Variants in C4orf50 observed in about 807,000 individuals in gnomAD.
C4orf50 encodes chromosome 4 open reading frame 50, also known as uncharacterized protein C4orf50.
In C4orf50, 80 loss-of-function variants were observed where a neutral mutation model predicts 77.2. The ratio of observed to expected loss-of-function variants is 1.04; its 90% CI spans 0.87 to 1.25. The LOEUF (loss-of-function observed/expected upper bound fraction) is 1.25, where lower values mean the gene tolerates loss of function less well. Among genes scored for constraint, C4orf50 ranks in the 50% most tolerant of loss-of-function variants. The pLI, the probability that C4orf50 is intolerant of heterozygous loss-of-function variation, is 0.00. For synonymous variants in C4orf50, 532 were observed against 465.3 expected (o/e 1.14, Z -1.84); for missense variants, 1,257 against 1,152.9 (o/e 1.09, Z -1.31).
At chr4:5,976,074 G>A (rs1720263677) in intron 29 of C4orf50, 119 bp from the exon 8 acceptor site, 4 of 754,168 alleles carry the variant, frequency 5.3e-6, no homozygotes, top group South Asian at 4.6e-5. Context: ...ACCCTCATGG[G>A]GACTCAGTGC....
rs1472579427 is a variant in C4orf50, at chr4:6,018,478, G to C, written c.-47C>G. The C allele has an allele frequency of 5.0e-6, 2 of 398,686 alleles. No individual in the cohort carries two copies. Among genetic ancestry groups the C allele is most frequent in the Non-Finnish European group, 8.8e-6 (2 of 226,076 alleles). The allele number at this position is 398,686 out of a possible 1,614,324, so 24.7% of individuals were successfully genotyped here. A position where few individuals can be genotyped will look rare whatever the true frequency, so the allele number is the denominator to read the frequency against. ...AAGACTTAATAATAAAATTAAGTGA[G>C]TTTGCAACATTGACTTCCCGGAGAT... On this transcript the variant is annotated 5_prime_UTR_variant, in exon 23 of 34. Coordinates refer to ENST00000531445, the Ensembl canonical transcript of C4orf50. This position sits in a 1 kb window ranked among gnomAD's most constrained non-coding sequence, Gnocchi z 5.1.
chr4:5,926,754 C>T (rs1447576900), intron 7 of C4orf50, among the ~76,000 whole-genome samples: 1 of 152,074 alleles, frequency 6.6e-6, no homozygotes, highest in Non-Finnish European at 1.5e-5. Flanking sequence ...TCAAAAGCAG[C>T]GCCCAGGCCC....
At chr4:5,982,565 T>A (rs1720650060) in intron 28 of C4orf50, among the ~76,000 whole-genome samples, 1 of 152,032 alleles carries the variant, frequency 6.6e-6, no homozygotes, top group Non-Finnish European at 1.5e-5. Flanking sequence ...AGAGACATCA[T>A]CCAGTTGGGG....
chr4:6,004,615 G>A (rs1398212311), intron 25 of C4orf50, among the ~76,000 whole-genome samples: 6 of 132,224 alleles, frequency 4.5e-5, no homozygotes, highest in South Asian at 3.0e-4. Context: ...ATGATGTGGT[G>A]GTGATGGTGA....
Position 5,948,230 on chromosome 4 carries a change from A to G in C4orf50, c.*2474+8671T>C, listed in dbSNP as rs145190076. Among the ~76,000 whole-genome samples, 967 of 152,376 alleles carry G rather than the reference A, an allele frequency of 6.3e-3. 9 individuals are homozygous for G. The highest frequency in any genetic ancestry group is 0.03 in the South Asian group (147 of 4,828). On this transcript the variant is annotated intron_variant, in intron 7 of 7. Coordinates refer to the C4orf50 transcript ENST00000324058. The stretch of plus-strand genomic sequence containing the variant: ...AAAATTCAATTAACTGAGGAACTGA[A>G]GAGGGGGCAACGGGAAGTGCTGCTA...
intron 7 of C4orf50, among the ~76,000 whole-genome samples, chr4:5,933,664 G>A (rs994848008): frequency 6.6e-6 from 1 of 152,238 alleles, no homozygotes; most frequent in African/African-American, 2.4e-5. Flanking sequence ...TACTCAGCAG[G>A]AGTTGTTTTG....
intron 7 of C4orf50, among the ~76,000 whole-genome samples, chr4:5,912,933 T>C (rs1716871843): frequency 6.6e-6 from 1 of 152,178 alleles, no homozygotes; most frequent in Non-Finnish European, 1.5e-5. Context: ...AGGAGGAGAC[T>C]GGAAACCTGC....
intron 7 of C4orf50, among the ~76,000 whole-genome samples, chr4:5,912,568 A>C (rs929334067): frequency 4.7e-4 from 72 of 152,160 alleles, no homozygotes; most frequent in Admixed American, 5.2e-4. Flanking sequence ...AAATGCACCC[A>C]GTATTTTGTT....
chr4:5,989,796 G>C (rs950949454), exon 28 of C4orf50: 1 of 1,514,278 alleles, frequency 6.6e-7, no homozygotes, highest in African/African-American at 1.4e-5. Context: ...GTTCCTGGGA[G>C]TCAGGCTCCT....
In C4orf50 at chr4:5,940,449, G is replaced by C. The variant is rs572225851; in HGVS notation, c.*2474+16452C>G. ...ACCATATCAGATGCCTTAATGGCTTGGCAGAGTTGGCCTGAATATAGTATT... is the reference window on the plus strand; with the variant it reads ...ACCATATCAGATGCCTTAATGGCTTCGCAGAGTTGGCCTGAATATAGTATT... On this transcript the variant is annotated intron_variant, in intron 7 of 7. Coordinates refer to the C4orf50 transcript ENST00000324058. Among the ~76,000 whole-genome samples the C allele has an allele frequency of 2.7e-4, 41 of 152,152 alleles. 1 individual carries two copies. Among genetic ancestry groups the C allele is most frequent in the Non-Finnish European group, 5.1e-4 (35 of 68,024 alleles).
At chr4:5,986,640 G>T (rs1048529468) in intron 28 of C4orf50, among the ~76,000 whole-genome samples, 2 of 151,112 alleles carry the variant, frequency 1.3e-5, no homozygotes, top group Non-Finnish European at 2.9e-5. Context: ...CCAGGTTCAA[G>T]CAATTCTCCT....
chr4:5,928,190 T>C (rs1717601662), intron 7 of C4orf50, among the ~76,000 whole-genome samples: 1 of 152,182 alleles, frequency 6.6e-6, no homozygotes, highest in African/African-American at 2.4e-5. Flanking sequence ...TAAAAATCTT[T>C]CACAAAATTA....
rs868848358 is a variant in C4orf50 at position 6,000,728 on chromosome 4, G to A, written c.964-6252C>T. On this transcript the variant is annotated intron_variant, in intron 25 of 33. Transcript: ENST00000531445. This position sits in a 1 kb window ranked among gnomAD's most constrained non-coding sequence, Gnocchi z 6.0. ...GAGCTCAGACTGGAGCCAAGCACAC[G>A]CACCAAGTGGGTACCATCAAATCCT... is the stretch of plus-strand genomic sequence containing the variant. Among the ~76,000 whole-genome samples, 10 of 152,218 alleles carry A rather than the reference G, an allele frequency of 6.6e-5. No individual in the cohort carries two copies. In the East Asian group the frequency reaches 7.8e-4, roughly 12 times the overall value.
chr4:5,920,096 C>T (rs1295910393), intron 7 of C4orf50, among the ~76,000 whole-genome samples: 1 of 152,170 alleles, frequency 6.6e-6, no homozygotes, highest in Non-Finnish European at 1.5e-5. Context: ...TATGCAAATG[C>T]CGTGCCATTT....
At position 5,973,656 on chromosome 4, in the gene C4orf50, T is replaced by G. The variant is rs1365780281; in HGVS notation, c.4104+3A>C. Reference sequence around the variant, plus strand: ...ACAGACAGGGCCATCTCTGGGACTCTACCTCTGGGACTCCCGGAGCCAGGA... The same window carrying G: ...ACAGACAGGGCCATCTCTGGGACTCGACCTCTGGGACTCCCGGAGCCAGGA... On this transcript the variant is annotated splice_donor_region_variant and intron_variant, in intron 31 of 33. Coordinates refer to ENST00000531445, the Ensembl canonical transcript of C4orf50. The G allele has an allele frequency of 6.2e-7, 1 of 1,608,690 alleles. No individual in the cohort carries two copies. Among genetic ancestry groups the G allele is most frequent in the African/African-American group, 1.3e-5 (1 of 74,842 alleles).
intron 7 of C4orf50, among the ~76,000 whole-genome samples, chr4:5,945,223 T>C (rs1718432680): frequency 2.0e-5 from 3 of 152,262 alleles, no homozygotes; most frequent in Middle Eastern, 3.4e-3. Context: ...AGGGTTTCCC[T>C]TAGTAAGCAG....
chr4:5,991,867 G>C (rs961869395), intron 27 of C4orf50, among the ~76,000 whole-genome samples: 1 of 152,198 alleles, frequency 6.6e-6, no homozygotes, highest in African/African-American at 2.4e-5. Context: ...CCGCATCCCT[G>C]CTCCCTGGAG....
In C4orf50 at chr4:5,905,763, G is replaced by A. The variant is rs948165381; in HGVS notation, c.*2475-7575C>T. Reference sequence around the variant, plus strand: ...TGTAGAGAGGGTTTCTAGCTTTCAGGAGCCTCTCAAAGGGGCCAATGGCCA... The same window carrying A: ...TGTAGAGAGGGTTTCTAGCTTTCAGAAGCCTCTCAAAGGGGCCAATGGCCA... On this transcript the variant is annotated intron_variant, in intron 7 of 7. Transcript: ENST00000324058. The surrounding 1 kb of genome is among the most constrained non-coding windows in gnomAD (Gnocchi z 5.4). Among the ~76,000 whole-genome samples the A allele has an allele frequency of 6.6e-5, 10 of 152,188 alleles. No homozygotes were observed. Among genetic ancestry groups the A allele is most frequent in the African/African-American group, 2.4e-4 (10 of 41,432 alleles).
chr4:6,004,242 TGG>T, intron 25 of C4orf50, among the ~76,000 whole-genome samples: 1 of 92,170 alleles, frequency 1.1e-5, no homozygotes, highest in East Asian at 3.7e-4. Flanking sequence ...GTGATGATGA[TGG>T]TGATGATGGT....
Sources: gnomAD v4.1 joint callset for allele counts (sites outside exome capture counted in the v4.1 genomes callset) on GRCh38, gnomAD v4.1.1 for gene constraint, Gnocchi (gnomAD v3.1) non-coding constraint, MANE v1.5 for transcripts, NCBI Gene and HGNC (gene_info 2026-07-23, HGNC 2026-07-21) for gene names.